DYM: variants seen among roughly 807,000 people sequenced by gnomAD.
The protein encoded by DYM is dymeclin.
A neutral mutation model predicts 93.1 loss-of-function variants in DYM; 78 were observed. The observed-to-expected ratio is 0.84, with a 90% confidence interval of 0.70 to 1.01. The LOEUF is 1.01. DYM is among the 50% of genes least tolerant of loss of function. DYM has a pLI of 0.00. For synonymous variants in DYM, 321 were observed against 319.7 expected, an observed-to-expected ratio of 1.00 and a Z score of -0.04; for missense variants, 789 against 845.0, an observed-to-expected ratio of 0.93 and a Z score of 0.82.
At chr18:49,092,564 C>G (rs1250902477) in intron 17 of DYM, among the ~76,000 whole-genome samples, 4 of 152,206 alleles carry the variant, frequency 2.6e-5, no homozygotes, top group Non-Finnish European at 5.9e-5. Flanking sequence ...TGGTGTCTTA[C>G]ACACTTCTGT....
At chr18:49,399,265 T>G (rs1399628198) in intron 2 of DYM, among the ~76,000 whole-genome samples, 1 of 152,126 alleles carries the variant, frequency 6.6e-6, no homozygotes, top group East Asian at 1.9e-4. Context: ...AGGAAGTAAC[T>G]ATTCTTCCTG....
intron 14 of DYM, among the ~76,000 whole-genome samples, chr18:49,188,604 T>C (rs2090673273): frequency 6.6e-6 from 1 of 151,520 alleles, no homozygotes; most frequent in Non-Finnish European, 1.5e-5. Context: ...AAACCAAACA[T>C]CGCGTGTCCT....
At chr18:49,156,110 C>G (rs931708224) in intron 15 of DYM, among the ~76,000 whole-genome samples, 5 of 152,170 alleles carry the variant, frequency 3.3e-5, no homozygotes, top group African/African-American at 1.2e-4. Flanking sequence ...AGTGGTATCT[C>G]ATGGTTTTGA....
rs1325180398 is a variant in DYM at position 49,059,464 on chromosome 18, C to T, written c.2026-15260G>A. On this transcript the variant is annotated intron_variant, in intron 17 of 17. Coordinates refer to ENST00000675505, the MANE Select transcript of DYM (RefSeq NM_001353214.3). ...ATAACTGTAATCACTAGTGCTTTAA[C>T]AAATACAATGGTGATACAAAATAAT... Among the ~76,000 whole-genome samples the T allele has an allele frequency of 2.0e-5, 3 of 152,128 alleles. No homozygotes were observed. In the East Asian group the frequency reaches 5.8e-4, roughly 29 times the overall value.
intron 14 of DYM, among the ~76,000 whole-genome samples, chr18:49,196,522 AGT>A (rs2091467174): frequency 6.6e-6 from 1 of 152,116 alleles, no homozygotes; most frequent in Non-Finnish European, 1.5e-5. Context: ...TGACAGCAAA[AGT>A]GAGAGAGTGC....
At chr18:49,423,430 C>T (rs12965213) in intron 2 of DYM, among the ~76,000 whole-genome samples, 106,611 of 151,992 alleles carry the variant, frequency 0.7, 37,564 homozygotes, top group Admixed American at 0.75. Flanking sequence ...TAAATGCCCA[C>T]AAGAGAAAGC....
chr18:49,348,569 G>A lies in DYM; in HGVS notation c.494+14592C>T, dbSNP rs2064814782. On this transcript the variant is annotated intron_variant, in intron 6 of 17. Coordinates refer to ENST00000675505, the MANE Select transcript of DYM (RefSeq NM_001353214.3). ...TCATCATATATAAACTAAAGGGATG[G>A]ATCACACAAATTAAAATATCCATTA... 2.0e-5 allele frequency among the ~76,000 whole-genome samples: 3 copies of A among 151,710 alleles called. No homozygotes were observed. In the South Asian group the frequency reaches 6.3e-4, roughly 32 times the overall value.
chr18:49,135,567 A>T (rs536324429), intron 15 of DYM, among the ~76,000 whole-genome samples: 8 of 152,250 alleles, frequency 5.3e-5, no homozygotes, highest in African/African-American at 1.2e-4. Context: ...TGCTCTTACT[A>T]GTAAAAGCAA....
chr18:49,137,167 C>A (rs150910049), intron 15 of DYM, among the ~76,000 whole-genome samples: 1 of 152,164 alleles, frequency 6.6e-6, no homozygotes, highest in African/African-American at 2.4e-5. Context: ...CTATGACCAA[C>A]GTGACAAGTA....
At chr18:49,338,122 AC>A in intron 6 of DYM, among the ~76,000 whole-genome samples, 1 of 152,360 alleles carries the variant, frequency 6.6e-6, no homozygotes, top group Non-Finnish European at 1.5e-5. Context: ...TAGGCCAGAT[AC>A]AAGATCAACT....
intron 2 of DYM, among the ~76,000 whole-genome samples, chr18:49,400,302 G>A (rs1466201878): frequency 6.6e-6 from 1 of 151,980 alleles, no homozygotes; most frequent in African/African-American, 2.4e-5. Context: ...AGTCTGATTT[G>A]TCAGAATTAT....
chr18:49,120,753 G>A (rs1045794187), intron 15 of DYM, among the ~76,000 whole-genome samples: 6 of 152,142 alleles, frequency 3.9e-5, no homozygotes, highest in Non-Finnish European at 7.4e-5. Context: ...TACAGAAAAA[G>A]TTTACTTCCC....
chr18:49,126,882 T>C (rs927091326), intron 15 of DYM, among the ~76,000 whole-genome samples: 27 of 152,256 alleles, frequency 1.8e-4, no homozygotes, highest in Non-Finnish European at 1.8e-4. Flanking sequence ...AGAACTCATG[T>C]TTCTTAGTTT....
At chr18:49,154,863 C>T (rs1488490764) in intron 15 of DYM, among the ~76,000 whole-genome samples, 1 of 152,104 alleles carries the variant, frequency 6.6e-6, no homozygotes, top group Non-Finnish European at 1.5e-5. Context: ...CAGTCTGACT[C>T]CCCAGAAGTA....
intron 17 of DYM, among the ~76,000 whole-genome samples, chr18:49,047,333 G>A (rs964317801): frequency 1.3e-4 from 20 of 152,142 alleles, no homozygotes; most frequent in African/African-American, 4.8e-4. Flanking sequence ...CATCATCAGC[G>A]CAGGCTGGAA....
intron 11 of DYM, among the ~76,000 whole-genome samples, chr18:49,260,580 ACAAT>A (rs2094474127): frequency 6.6e-6 from 1 of 152,218 alleles, no homozygotes; most frequent in South Asian, 2.1e-4. Context: ...ATCATGAAAA[ACAAT>A]CAAAACATTC....
At chr18:49,394,730 G>A (rs1240021684) in intron 2 of DYM, among the ~76,000 whole-genome samples, 1 of 151,830 alleles carries the variant, frequency 6.6e-6, no homozygotes, top group African/African-American at 2.4e-5. Flanking sequence ...AGTTTTCATT[G>A]CAGAGATCTT....
intron 6 of DYM, among the ~76,000 whole-genome samples, chr18:49,357,752 C>G (rs556412979): frequency 6.6e-6 from 1 of 152,306 alleles, no homozygotes; most frequent in African/African-American, 2.4e-5. Context: ...AAACCAAATG[C>G]TGCCACAAGA....
intron 13 of DYM, among the ~76,000 whole-genome samples, chr18:49,252,640 T>C (rs946441547): frequency 6.6e-6 from 1 of 152,084 alleles, no homozygotes; most frequent in Non-Finnish European, 1.5e-5. Context: ...TAGACATATA[T>C]GTGATCTCCC....
Sources: allele counts gnomAD v4.1 joint callset (sites outside exome capture counted in the v4.1 genomes callset), GRCh38; gene constraint gnomAD v4.1.1; transcripts MANE v1.5; gene names NCBI Gene and HGNC (gene_info 2026-07-23, HGNC 2026-07-21).